Variants in UNC45A observed in about 807,000 individuals in gnomAD.
UNC45A encodes protein unc-45 homolog A.
UNC45A carries 78 observed loss-of-function variants against 103.2 expected under a neutral mutation model. The observed-to-expected ratio is 0.76, with a 90% CI of 0.63 to 0.91. UNC45A has a LOEUF of 0.91. Among genes scored for constraint, UNC45A ranks in the 40% least tolerant of loss-of-function variants. UNC45A has a pLI of 0.00. For missense variants in UNC45A, 1,193 were observed against 1,224.8 expected (o/e 0.97, Z 0.39); for synonymous variants, 495 against 504.6 (o/e 0.98, Z 0.25).
chr15:90,933,764 A>AGCT, upstream of UNC45A: 2 of 329,264 alleles, frequency 6.1e-6, no homozygotes, highest in Non-Finnish European at 5.5e-6. Flanking sequence ...CTAATGGCTC[A>AGCT]GCTGCTCTCT....
Position 90,952,990 on chromosome 15 carries a change from G to A in UNC45A, c.2365G>A (p.Glu789Lys), listed in dbSNP as rs776879949. Residue 789 changes from glutamate to lysine, a missense_variant, in exon 18 of 20, where the codon GAG (glutamate) becomes AAG (lysine). Transcript: ENST00000418476. ...AGAAGGCTACATGTTTGAGGAGCAT[G>A]AGATGATCCGCCGGGCAGCCACGGA... The part of the protein sequence containing the change: ...MIEGYMFEEH[E>K]MIRRAATECM... 6.2e-7 allele frequency: 1 copy of A among 1,613,516 alleles called. No homozygotes were observed. The highest frequency in any genetic ancestry group is 8.5e-7 in the Non-Finnish European group (1 of 1,180,042).
chr15:90,948,176 C>T lies in UNC45A; in HGVS notation c.1630C>T (p.Arg544Trp), dbSNP rs369754093. Reference protein sequence around the residue: ...LCNDQIDAGTRRWAVEGLAYL... With the variant: ...LCNDQIDAGTWRWAVEGLAYL... The stretch of plus-strand genomic sequence containing the variant: ...CAATGACCAGATCGACGCAGGCACT[C>T]GGCGCTGGGCAGTGGAGGGCCTGGC... Residue 544 changes from arginine to tryptophan, a missense_variant, in exon 12 of 20, where the codon CGG becomes TGG. Coordinates refer to ENST00000418476, the MANE Select transcript of UNC45A (RefSeq NM_018671.5). 53 of 1,614,034 alleles carry T rather than the reference C, an allele frequency of 3.3e-5. No individual in the cohort carries two copies. Among genetic ancestry groups the T allele is most frequent in the Middle Eastern group, 1.6e-4 (1 of 6,084 alleles).
intron 17 of UNC45A, among the ~76,000 whole-genome samples, chr15:90,951,727 G>A (rs189277914): frequency 6.9e-4 from 105 of 152,218 alleles, no homozygotes; most frequent in African/African-American, 1.9e-3. Context: ...AAACCTGCAC[G>A]TCCTGCACAT....
In UNC45A at chr15:90,949,362, C is replaced by T. The variant is rs368144737; in HGVS notation, c.1925C>T (p.Ala642Val). Residue 642 changes from alanine to valine, a missense_variant, in exon 14 of 20, where the codon GCG (alanine) becomes GTG (valine). Coordinates refer to ENST00000418476, the MANE Select transcript of UNC45A (RefSeq NM_018671.5). ...GCTCGGGTGAAGAAGCTGCTGGCAG[C>T]GGGTGTGGTGTCGGCCATGGTGTGC... ...VRARVKKLLA[A>V]GVVSAMVCMV... 140 of 1,613,498 alleles carry T rather than the reference C, an allele frequency of 8.7e-5. No homozygotes were observed. The highest frequency in any genetic ancestry group is 1.6e-4 in the Middle Eastern group (1 of 6,062).
intron 6 of UNC45A, among the ~76,000 whole-genome samples, chr15:90,942,010 C>T (rs543818852): frequency 2.2e-4 from 33 of 151,498 alleles, no homozygotes; most frequent in Non-Finnish European, 3.5e-4. Context: ...AGAGGTCTCA[C>T]GGGCCCATTC....
chr15:90,948,837 G>T, intron 13 of UNC45A, 43 bp downstream of exon 13: 1 of 1,536,632 alleles, frequency 6.5e-7, no homozygotes, highest in Non-Finnish European at 8.8e-7. Flanking sequence ...CCACCATGGG[G>T]ACAGCTAACC....
intron 12 of UNC45A, 101 bp downstream of exon 12, chr15:90,948,384 A>T: frequency 6.5e-7 from 1 of 1,533,878 alleles, no homozygotes; most frequent in South Asian, 1.2e-5. Context: ...TTTTGACCCC[A>T]GGGAAGAGGG....
At chr15:90,942,353 G>C (rs142904729) in intron 6 of UNC45A, 84 bp from the exon 7 acceptor site, 51 of 1,479,860 alleles carry the variant, frequency 3.4e-5, no homozygotes, top group Admixed American at 1.1e-4. Flanking sequence ...CCTTCTGGCC[G>C]TATCCTCTAA....
chr15:90,948,412 G>A, intron 12 of UNC45A, 129 bp downstream of exon 12: 1 of 1,420,794 alleles, frequency 7.0e-7, no homozygotes, highest in South Asian at 1.3e-5. Flanking sequence ...CTGAGTGGCT[G>A]CTCTGTGTAG....
At chr15:90,944,606 T>C (rs1255707583) in intron 8 of UNC45A, among the ~76,000 whole-genome samples, 4 of 152,110 alleles carry the variant, frequency 2.6e-5, no homozygotes, top group Admixed American at 6.5e-5. Context: ...TGGATATTCT[T>C]TTCCCCTTAG....
At chr15:90,945,194 C>A in intron 9 of UNC45A, 131 bp downstream of exon 9, 2 of 1,308,574 alleles carry the variant, frequency 1.5e-6, no homozygotes, top group Non-Finnish European at 2.1e-6. Context: ...GGAGGCTGAA[C>A]AAAGGGAAAG....
intron 11 of UNC45A, 113 bp from the exon 12 acceptor site, chr15:90,948,029 C>T (rs2036666132): frequency 6.5e-7 from 1 of 1,542,454 alleles, no homozygotes; most frequent in African/African-American, 1.4e-5. Context: ...GGTACGTGAA[C>T]TGCTTCTGTA....
chr15:90,930,815 G>A (rs1347843959), upstream of UNC45A: 3 of 178,124 alleles, frequency 1.7e-5, no homozygotes, highest in Admixed American at 5.4e-5. Context: ...GTTGAGGCCC[G>A]CAACCTGAGG....
At chr15:90,952,025 A>G (rs761704662) in intron 17 of UNC45A, among the ~76,000 whole-genome samples, 40 of 152,274 alleles carry the variant, frequency 2.6e-4, no homozygotes, top group Non-Finnish European at 5.1e-4. Flanking sequence ...CCACAATCCT[A>G]TGCTATTTCC....
At chr15:90,935,065 C>A (rs1262342509), upstream of UNC45A, 1 of 575,804 alleles carries the variant, frequency 1.7e-6, no homozygotes, top group East Asian at 3.1e-5. Flanking sequence ...CCACCGCAGG[C>A]CTCCCTCTGG....
rs1478804962 is a variant in UNC45A, at chr15:90,944,925, T to C, written c.1061T>C (p.Leu354Pro). 3 of 1,612,282 alleles carry C rather than the reference T, an allele frequency of 1.9e-6. No individual in the cohort carries two copies. The highest frequency in any genetic ancestry group is 3.3e-5 in the Admixed American group (2 of 59,988). Residue 354 changes from leucine to proline, a missense_variant, in exon 9 of 20, where the codon CTA becomes CCA. Transcript: ENST00000418476. ...LKKILEVGGS[L>P]QDPPGELAVT... ...AAGATTTTGGAAGTGGGGGGCTCTC[T>C]ACAGGACCCTCCTGGGGAGCTCGCA... is the stretch of plus-strand genomic sequence containing the variant.
At position 90,935,580 on chromosome 15, in the gene UNC45A, G is replaced by C. The variant is rs1338697681; in HGVS notation, c.88G>C (p.Glu30Gln). The C allele has an allele frequency of 1.2e-6, 2 of 1,612,782 alleles. No homozygotes were observed. The highest frequency in any genetic ancestry group is 1.7e-6 in the Non-Finnish European group (2 of 1,179,460). The change falls in exon 2 of 20, where the codon GAG becomes CAG. Residue 30 changes from glutamate (E) to glutamine (Q), a missense_variant. Glu to Gln is a conservative substitution (Grantham distance 29). Coordinates refer to ENST00000418476, the MANE Select transcript of UNC45A (RefSeq NM_018671.5). ...SVEQLRKEGN[E>Q]LFKCGDYGGA... ...GGAGCAGCTGCGGAAGGAGGGCAAT[G>C]AGCTGTTCAAATGTGGAGACTACGG...
chr15:90,931,652 C>T (rs903150688), upstream of UNC45A: 2 of 1,613,924 alleles, frequency 1.2e-6, no homozygotes, highest in Non-Finnish European at 8.5e-7. Context: ...CATGTGTCTT[C>T]AGAAGGCGGC....
rs2037000128 is a variant in UNC45A, at chr15:90,952,935, G to T, written c.2310G>T (p.Lys770Asn). Residue 770 changes from lysine (K) to asparagine (N), a missense_variant, in exon 18 of 20, where the codon AAG becomes AAT. By Grantham distance (94) the Lys-to-Asn change is moderately conservative (BLOSUM62 0). Transcript: ENST00000418476. The part of the protein sequence containing the change: ...LAGISERLRQ[K>N]ILKEKAVPMI... Reference sequence around the variant, plus strand: ...TCCTCCTGTGGCCCTGCAGGCAGAAGATCCTGAAGGAGAAGGCTGTGCCCA... The same window carrying T: ...TCCTCCTGTGGCCCTGCAGGCAGAATATCCTGAAGGAGAAGGCTGTGCCCA... 2 of 1,612,606 alleles carry T rather than the reference G, an allele frequency of 1.2e-6. No individual in the cohort carries two copies. Among genetic ancestry groups the T allele is most frequent in the East Asian group, 4.5e-5 (2 of 44,878 alleles).
Sources: gnomAD v4.1 joint callset for allele counts (sites outside exome capture counted in the v4.1 genomes callset) on GRCh38, gnomAD v4.1.1 for gene constraint, MANE v1.5 for transcripts, NCBI Gene and HGNC (gene_info 2026-07-23, HGNC 2026-07-21) for gene names.